Variants in ABHD12 observed in about 807,000 individuals in gnomAD.
ABHD12 encodes the protein lysophosphatidylserine lipase ABHD12.
A neutral mutation model predicts 58.3 loss-of-function variants in ABHD12; 43 were observed. That is an observed-to-expected ratio of 0.74 (90% CI 0.58 to 0.95). The LOEUF is 0.95. ABHD12 is among the 40% of genes least tolerant of loss of function. ABHD12 has a pLI of 0.00. For missense variants in ABHD12, 539 were observed against 537.2 expected, an observed-to-expected ratio of 1.00 and a Z score of -0.03; for synonymous variants, 219 against 211.2, an observed-to-expected ratio of 1.04 and a Z score of -0.32.
chr20:25,329,458 C>A (rs1174893606), intron 2 of ABHD12, among the ~76,000 whole-genome samples: 1 of 152,026 alleles, frequency 6.6e-6, no homozygotes, highest in African/African-American at 2.4e-5. Flanking sequence ...CATTGTCCAC[C>A]CTCCAGTCAC....
At chr20:25,319,935 A>G (rs2089035066) in intron 4 of ABHD12, among the ~76,000 whole-genome samples, 1 of 152,222 alleles carries the variant, frequency 6.6e-6, no homozygotes, top group African/African-American at 2.4e-5. Context: ...CTTGGTCCCC[A>G]CGGAACACAG....
At chr20:25,333,170 T>C (rs2089305768) in intron 2 of ABHD12, among the ~76,000 whole-genome samples, 1 of 93,194 alleles carries the variant, frequency 1.1e-5, no homozygotes, top group East Asian at 2.0e-4. Context: ...CAGAGAACAT[T>C]ACAAACACCT....
chr20:25,359,572 T>C (rs1280024252), intron 1 of ABHD12, among the ~76,000 whole-genome samples: 1 of 152,100 alleles, frequency 6.6e-6, no homozygotes, highest in East Asian at 1.9e-4. Flanking sequence ...TAACTTTGTC[T>C]AGGTGGGGGT....
rs889085266 is a variant in ABHD12 at position 25,300,279 on chromosome 20, G to A, written c.*566C>T. ...AAGGCCAGGTTAGGTGTACAGGTAG[G>A]TGAAAGGGGAGGAAGTGCAGATCCC... On this transcript the variant is annotated 3_prime_UTR_variant, in exon 13 of 13. Coordinates refer to ENST00000339157, the MANE Select transcript of ABHD12 (RefSeq NM_001042472.3). 6.8e-6 allele frequency: 7 copies of A among 1,025,320 alleles called. No individual in the cohort carries two copies. Among genetic ancestry groups the A allele is most frequent in the Non-Finnish European group, 8.2e-6 (7 of 853,402 alleles). The allele number at this position is 1,025,320 out of a possible 1,614,324, so 63.5% of individuals were successfully genotyped here. A position where few individuals can be genotyped will look rare whatever the true frequency, so the allele number is the denominator to read the frequency against.
intron 1 of ABHD12, among the ~76,000 whole-genome samples, chr20:25,365,787 AC>A (rs2089811853): frequency 6.6e-6 from 1 of 152,156 alleles, no homozygotes; most frequent in Admixed American, 6.6e-5. Flanking sequence ...AGGGCCTCAC[AC>A]CTATAATCCC....
chr20:25,376,229 T>C (rs1297825172), intron 1 of ABHD12, among the ~76,000 whole-genome samples: 2 of 152,246 alleles, frequency 1.3e-5, no homozygotes, highest in African/African-American at 2.4e-5. Flanking sequence ...TTTAATTCCA[T>C]GGTATTCTCT....
chr20:25,331,293 T>C (rs1360265703), intron 2 of ABHD12, among the ~76,000 whole-genome samples: 1 of 151,866 alleles, frequency 6.6e-6, no homozygotes, highest in Non-Finnish European at 1.5e-5. Flanking sequence ...CTCCAAGAAA[T>C]ATGGGACTAT....
intron 1 of ABHD12, among the ~76,000 whole-genome samples, chr20:25,373,924 G>A (rs1214293429): frequency 6.6e-6 from 1 of 151,926 alleles, no homozygotes; most frequent in Non-Finnish European, 1.5e-5. Context: ...GCATAGTGAT[G>A]CATTTATTTA....
intron 1 of ABHD12, among the ~76,000 whole-genome samples, chr20:25,385,474 C>A (rs1322011985): frequency 6.6e-6 from 1 of 151,476 alleles, no homozygotes; most frequent in Non-Finnish European, 1.5e-5. Context: ...ATACATAAAC[C>A]ACCAAAACTG....
At chr20:25,380,038 T>C (rs2090004315) in intron 1 of ABHD12, among the ~76,000 whole-genome samples, 1 of 152,192 alleles carries the variant, frequency 6.6e-6, no homozygotes, top group Non-Finnish European at 1.5e-5. Context: ...AACGATGCTT[T>C]TGAAAATTTG....
chr20:25,323,405 C>A lies in ABHD12; in HGVS notation c.342G>T (p.Leu114Phe). The change falls in exon 3 of 13, where the codon TTG becomes TTT. Residue 114 changes from leucine (L) to phenylalanine (F), a missense_variant. By Grantham distance (22) the Leu-to-Phe change is conservative (BLOSUM62 0). Transcript: ENST00000339157. ...NFVRVPYFIDLKKPQDQGLNH... is the reference protein window; with the variant it reads ...NFVRVPYFIDFKKPQDQGLNH... ...TCAAACCTTGATCCTGTGGTTTTTT[C>A]AAATCAATGAAATAGGGAACTCTTA... The A allele has an allele frequency of 6.2e-7, 1 of 1,612,686 alleles. No individual in the cohort carries two copies. Among genetic ancestry groups the A allele is most frequent in the Non-Finnish European group, 8.5e-7 (1 of 1,178,758 alleles).
chr20:25,377,801 G>A (rs1474060351), intron 1 of ABHD12, among the ~76,000 whole-genome samples: 3 of 152,152 alleles, frequency 2.0e-5, no homozygotes, highest in Non-Finnish European at 2.9e-5. Flanking sequence ...AGGTTCAAGC[G>A]ATTCTCCTGC....
At chr20:25,352,032 C>T (rs1258812686) in intron 1 of ABHD12, among the ~76,000 whole-genome samples, 1 of 152,204 alleles carries the variant, frequency 6.6e-6, no homozygotes, top group African/African-American at 2.4e-5. Context: ...CTCTCTGAAG[C>T]CCAGGCTGGA....
At chr20:25,360,227 CTTTTTTTTTTTTT>C (rs576215687) in intron 1 of ABHD12, among the ~76,000 whole-genome samples, 637 of 37,442 alleles carry the variant, frequency 0.017, 16 homozygotes, top group African/African-American at 0.058. Flanking sequence ...GAACACGTTA[CTTTTTTTTTTTTT>C]TTTTTTTTTT....
chr20:25,376,054 G>GGAGATTGTAGT (rs2146119759), intron 1 of ABHD12, among the ~76,000 whole-genome samples: 1 of 152,198 alleles, frequency 6.6e-6, no homozygotes, highest in Non-Finnish European at 1.5e-5. Flanking sequence ...GCTGGGAGGC[G>GGAGATTGTAGT]GAGATTGTAG....
chr20:25,365,218 A>C (rs1403971847), intron 1 of ABHD12, among the ~76,000 whole-genome samples: 1 of 152,214 alleles, frequency 6.6e-6, no homozygotes, highest in Admixed American at 6.5e-5. Context: ...ACAAAGTCTC[A>C]CTGCCAACTT....
Position 25,307,949 on chromosome 20 carries a change from A to G in ABHD12, c.867+17T>C. 1 of 1,454,040 alleles carries G rather than the reference A, an allele frequency of 6.9e-7. No individual in the cohort carries two copies. The highest frequency in any genetic ancestry group is 9.6e-7 in the Non-Finnish European group (1 of 1,039,252). The allele number at this position is 1,454,040 out of a possible 1,614,324, so 90.1% of individuals were successfully genotyped here. ...CTTAATAATGAAAAGTTAATTTTTAATAAAATCTGTACTTGCCACTGAAAA... is the reference window on the plus strand; with the variant it reads ...CTTAATAATGAAAAGTTAATTTTTAGTAAAATCTGTACTTGCCACTGAAAA... On this transcript the variant is annotated intron_variant, in intron 9 of 12. Transcript: ENST00000339157.
intron 1 of ABHD12, among the ~76,000 whole-genome samples, chr20:25,363,142 T>C (rs1007119020): frequency 1.3e-4 from 20 of 152,170 alleles, no homozygotes; most frequent in African/African-American, 4.6e-4. Flanking sequence ...GTATTATTTA[T>C]TTGAATTTCC....
At chr20:25,346,361 T>C (rs915521081) in intron 1 of ABHD12, among the ~76,000 whole-genome samples, 14 of 152,158 alleles carry the variant, frequency 9.2e-5, no homozygotes, top group African/African-American at 3.4e-4. Flanking sequence ...TCTAGGGCAG[T>C]GAAACTATTG....
Sources: allele counts gnomAD v4.1 joint callset (sites outside exome capture counted in the v4.1 genomes callset), GRCh38; gene constraint gnomAD v4.1.1; transcripts MANE v1.5; gene names NCBI Gene and HGNC (gene_info 2026-07-23, HGNC 2026-07-21).